The following LIMCH1 variants were observed in gnomAD, a reference collection of about 807,000 sequenced individuals.
LIMCH1 encodes LIM and calponin homology domains-containing protein 1.
A neutral mutation model predicts 176.5 loss-of-function variants in LIMCH1; 113 were observed. The ratio of observed to expected loss-of-function variants is 0.64; its 90% CI spans 0.55 to 0.75. LIMCH1 has a LOEUF of 0.75. Among genes scored for constraint, LIMCH1 ranks in the 30% least tolerant of loss-of-function variants. The probability of loss-of-function intolerance (pLI) is 0.00; values close to 1 mark genes in which losing one functional copy is unlikely to be tolerated. For synonymous variants in LIMCH1, 619 were observed against 645.9 expected, an observed-to-expected ratio of 0.96 and a Z score of 0.63; for missense variants, 1,674 against 1,814.9, an observed-to-expected ratio of 0.92 and a Z score of 1.41.
chr4:41,460,965 G>A (rs1216152034), intron 1 of LIMCH1, among the ~76,000 whole-genome samples: 3 of 152,118 alleles, frequency 2.0e-5, no homozygotes, highest in African/African-American at 7.2e-5. Flanking sequence ...AATGATCTCC[G>A]ACTGGCTCTG....
At chr4:41,688,497 A>C (rs79819895) in intron 29 of LIMCH1, among the ~76,000 whole-genome samples, 5,370 of 152,236 alleles carry the variant, frequency 0.035, 208 homozygotes, top group East Asian at 0.099. Flanking sequence ...AATCCTAATA[A>C]ATAGCATTTG....
At chr4:41,670,473 C>T (rs1185954684) in intron 21 of LIMCH1, among the ~76,000 whole-genome samples, 3 of 152,142 alleles carry the variant, frequency 2.0e-5, no homozygotes, top group Non-Finnish European at 4.4e-5. Context: ...AAGTATGACC[C>T]TGTGAAATTT....
chr4:41,465,116 G>A (rs567574639), intron 1 of LIMCH1, among the ~76,000 whole-genome samples: 55 of 152,220 alleles, frequency 3.6e-4, no homozygotes, highest in African/African-American at 1.3e-3. Context: ...TAAACTGAGC[G>A]GGGAGGGAAT....
At chr4:41,562,369 C>T (rs548003574) in intron 1 of LIMCH1, among the ~76,000 whole-genome samples, 28 of 152,204 alleles carry the variant, frequency 1.8e-4, no homozygotes, top group African/African-American at 5.5e-4. Context: ...TCCCTTGTCT[C>T]CTGTAACATT....
At position 41,646,270 on chromosome 4, in the gene LIMCH1, G is replaced by T. The variant is rs1427085164; in HGVS notation, c.2401G>T (p.Val801Phe). ...RKSIKTYREI[V>F]QEKERREREL... ...AAGCATCAAAACCTACAGAGAAATTGTTCAAGAAAAGTGAGTTCTTTCTGT... is the reference window on the plus strand; with the variant it reads ...AAGCATCAAAACCTACAGAGAAATTTTTCAAGAAAAGTGAGTTCTTTCTGT... Residue 801 changes from valine to phenylalanine, a missense_variant, in exon 16 of 32, where the codon GTT becomes TTT. Transcript: ENST00000503057. 1 of 1,607,420 alleles carries T rather than the reference G, an allele frequency of 6.2e-7. No homozygotes were observed. Among genetic ancestry groups the T allele is most frequent in the Non-Finnish European group, 8.5e-7 (1 of 1,178,522 alleles).
At chr4:41,565,370 CACACACACACACAT>C (rs1217293799) in intron 1 of LIMCH1, among the ~76,000 whole-genome samples, 72 of 147,652 alleles carry the variant, frequency 4.9e-4, no homozygotes, top group African/African-American at 1.7e-3. Flanking sequence ...CACACACACA[CACACACACACACAT>C]ACACACACAC....
intron 1 of LIMCH1, among the ~76,000 whole-genome samples, chr4:41,414,942 A>C (rs1465378039): frequency 6.6e-6 from 1 of 152,218 alleles, no homozygotes; most frequent in Non-Finnish European, 1.5e-5. Context: ...GTTTGAGTCC[A>C]GGTCTTTCTT....
At chr4:41,396,756 C>T (rs1415943597) in intron 1 of LIMCH1, among the ~76,000 whole-genome samples, 3 of 151,822 alleles carry the variant, frequency 2.0e-5, no homozygotes, top group Admixed American at 2.0e-4. Flanking sequence ...CAAAAACTAG[C>T]TCTGGGTGTG....
In LIMCH1 at chr4:41,620,785, C is replaced by T. The variant is rs564909583; in HGVS notation, c.725+95C>T. 1.5e-5 allele frequency: 20 copies of T among 1,359,126 alleles called. No homozygotes were observed. The African/African-American group carries it at 2.9e-4, about 20-fold the overall frequency. The allele number at this position is 1,359,126 out of a possible 1,614,324, so 84.2% of individuals were successfully genotyped here. On this transcript the variant is annotated intron_variant, in intron 7 of 31. Transcript: ENST00000503057. ...AGTTGGAGTTTTCATCTGATTTTTC[C>T]ACTTCCCGCTTTTCCTATTGCATCA...
chr4:41,663,023 G>A (rs989340440), intron 20 of LIMCH1, 39 bp downstream of exon 20: 2 of 1,587,996 alleles, frequency 1.3e-6, no homozygotes, highest in East Asian at 4.5e-5. Flanking sequence ...AAACCCACAA[G>A]TTAACATGGC....
chr4:41,427,254 T>C (rs571501382), intron 1 of LIMCH1, among the ~76,000 whole-genome samples: 5 of 152,270 alleles, frequency 3.3e-5, no homozygotes, highest in African/African-American at 7.2e-5. Context: ...CTGAACTGCA[T>C]AGGGCCTGCC....
intron 27 of LIMCH1, among the ~76,000 whole-genome samples, chr4:41,685,072 G>T (rs1280259096): frequency 6.6e-6 from 1 of 152,174 alleles, no homozygotes; most frequent in African/African-American, 2.4e-5. Flanking sequence ...TTCAAATGTT[G>T]AATGATATAA....
chr4:41,546,442 A>AT (rs61474012), intron 1 of LIMCH1, among the ~76,000 whole-genome samples: 389 of 144,666 alleles, frequency 2.7e-3, no homozygotes, highest in South Asian at 0.011. Flanking sequence ...CCCAGCCTGT[A>AT]TTTTTTTTTT....
At chr4:41,627,707 A>AT (rs1460040481) in intron 8 of LIMCH1, among the ~76,000 whole-genome samples, 1 of 152,182 alleles carries the variant, frequency 6.6e-6, no homozygotes, top group Non-Finnish European at 1.5e-5. Context: ...TTGACCAGTG[A>AT]TTTTTGTCCT....
At chr4:41,485,506 G>A (rs1371559019) in intron 1 of LIMCH1, among the ~76,000 whole-genome samples, 1 of 152,110 alleles carries the variant, frequency 6.6e-6, no homozygotes, top group Non-Finnish European at 1.5e-5. Context: ...AGGCACACAG[G>A]GCATAGTTGG....
At chr4:41,547,968 G>A (rs1583875228) in intron 1 of LIMCH1, among the ~76,000 whole-genome samples, 1 of 148,398 alleles carries the variant, frequency 6.7e-6, no homozygotes, top group South Asian at 2.1e-4. Flanking sequence ...GTGCTGGCAG[G>A]TGTTAATGTC....
intron 1 of LIMCH1, among the ~76,000 whole-genome samples, chr4:41,578,147 G>A (rs1032368171): frequency 2.6e-5 from 4 of 152,114 alleles, no homozygotes; most frequent in Non-Finnish European, 4.4e-5. Flanking sequence ...TTATAAGGAG[G>A]TTTAATTGAC....
At chr4:41,372,822 G>A (rs1458124684) in intron 1 of LIMCH1, among the ~76,000 whole-genome samples, 1 of 152,186 alleles carries the variant, frequency 6.6e-6, no homozygotes, top group African/African-American at 2.4e-5. Context: ...TGAGTGAGAA[G>A]CTTAAGTGAG....
chr4:41,381,951 C>T (rs1485982190), intron 1 of LIMCH1, among the ~76,000 whole-genome samples: 1 of 152,200 alleles, frequency 6.6e-6, no homozygotes, highest in East Asian at 1.9e-4. Context: ...AGTACCCCCA[C>T]TGCCAAAGGT....
Sources: gnomAD v4.1 joint callset for allele counts (sites outside exome capture counted in the v4.1 genomes callset) on GRCh38, gnomAD v4.1.1 for gene constraint, MANE v1.5 for transcripts, NCBI Gene and HGNC (gene_info 2026-07-23, HGNC 2026-07-21) for gene names.